Variants in SEC24D observed in about 807,000 individuals in gnomAD.
SEC24D encodes protein transport protein Sec24D.
Under a neutral mutation model 116.9 loss-of-function variants are expected in SEC24D, and 69 were observed. The observed-to-expected ratio is 0.59, with a 90% confidence interval of 0.49 to 0.72. The LOEUF (loss-of-function observed/expected upper bound fraction) is 0.72. SEC24D is among the 30% of genes least tolerant of loss of function. The pLI is 0.00. For synonymous variants in SEC24D, 405 were observed against 442.8 expected (o/e 0.91, Z 1.07); for missense variants, 1,131 against 1,264.1 (o/e 0.89, Z 1.60).
chr4:118,770,444 A>G (rs1413337863), intron 8 of SEC24D, among the ~76,000 whole-genome samples: 1 of 152,210 alleles, frequency 6.6e-6, no homozygotes, highest in Non-Finnish European at 1.5e-5. Context: ...TAAAAGTACA[A>G]TTACCAATCA....
rs558149068 is a variant in SEC24D, at chr4:118,788,489, T to C, written c.1041+9194A>G. ...GTTTTTATTGGTTCCTAAAATATCT[T>C]GGTCCAAAATTCATCCAATTGTTTT... On this transcript the variant is annotated intron_variant, in intron 8 of 22. Transcript: ENST00000280551. Among the ~76,000 whole-genome samples, 3 of 152,360 alleles carry C rather than the reference T, an allele frequency of 2.0e-5. No individual in the cohort carries two copies. In the South Asian group the frequency reaches 6.2e-4, roughly 32 times the overall value.
At chr4:118,813,727 C>T (rs1730017599) in intron 6 of SEC24D, among the ~76,000 whole-genome samples, 1 of 152,262 alleles carries the variant, frequency 6.6e-6, no homozygotes, top group Non-Finnish European at 1.5e-5. Flanking sequence ...AACCACAGCA[C>T]TTGCCAACAT....
chr4:118,749,775 G>A (rs1181060606), intron 13 of SEC24D, among the ~76,000 whole-genome samples: 2 of 152,174 alleles, frequency 1.3e-5, no homozygotes, highest in Non-Finnish European at 2.9e-5. Flanking sequence ...GGAGCATCAC[G>A]CAGCCTCTGC....
At chr4:118,728,503 A>C (rs1263361814) in intron 22 of SEC24D, 58 bp downstream of exon 22, 1 of 1,015,890 alleles carries the variant, frequency 9.8e-7, no homozygotes, top group Admixed American at 2.1e-5. Flanking sequence ...GTGCATGTTA[A>C]GTCTTTAATG....
At chr4:118,763,959 T>C (rs1027751635) in intron 10 of SEC24D, among the ~76,000 whole-genome samples, 3 of 152,178 alleles carry the variant, frequency 2.0e-5, no homozygotes, top group Non-Finnish European at 2.9e-5. Context: ...TGCAAATGCA[T>C]ATACACAATT....
chr4:118,794,437 T>C (rs980698040), intron 8 of SEC24D, among the ~76,000 whole-genome samples: 12 of 152,200 alleles, frequency 7.9e-5, no homozygotes, highest in Non-Finnish European at 1.5e-4. Flanking sequence ...TGCAAACTCA[T>C]TGCCATTAAC....
chr4:118,742,014 C>G (rs564935172), intron 15 of SEC24D, among the ~76,000 whole-genome samples: 2 of 152,218 alleles, frequency 1.3e-5, no homozygotes, highest in African/African-American at 4.8e-5. Flanking sequence ...ATTTTACTGC[C>G]TGTTTACATC....
chr4:118,784,013 G>A (rs1458093942), intron 8 of SEC24D, among the ~76,000 whole-genome samples: 1 of 152,198 alleles, frequency 6.6e-6, no homozygotes, highest in African/African-American at 2.4e-5. Context: ...GACCAGCCTG[G>A]CCAACATGGC....
intron 2 of SEC24D, among the ~76,000 whole-genome samples, chr4:118,830,852 G>A (rs968108850): frequency 3.9e-5 from 6 of 152,072 alleles, no homozygotes; most frequent in Non-Finnish European, 8.8e-5. Flanking sequence ...ATTGGAGAGA[G>A]GGATAATAGT....
At chr4:118,793,600 C>T (rs1729045215) in intron 8 of SEC24D, among the ~76,000 whole-genome samples, 1 of 151,776 alleles carries the variant, frequency 6.6e-6, no homozygotes, top group South Asian at 2.1e-4. Flanking sequence ...GGTCCAGCTA[C>T]ATGCCCAAAA....
chr4:118,805,130 G>T (rs1729621185), intron 7 of SEC24D, among the ~76,000 whole-genome samples: 3 of 152,060 alleles, frequency 2.0e-5, no homozygotes, highest in Admixed American at 2.0e-4. Context: ...ACTCTATAAG[G>T]TTAGCTCTGA....
At chr4:118,774,079 A>T (rs983043213) in intron 8 of SEC24D, among the ~76,000 whole-genome samples, 6 of 151,798 alleles carry the variant, frequency 4.0e-5, no homozygotes, top group Non-Finnish European at 2.9e-5. Context: ...AATATTTATT[A>T]AAAAATTTAA....
At chr4:118,813,535 TTTC>T (rs1730009039) in intron 6 of SEC24D, among the ~76,000 whole-genome samples, 1 of 152,158 alleles carries the variant, frequency 6.6e-6, no homozygotes, top group South Asian at 2.1e-4. Flanking sequence ...TCAGGTCTCT[TTTC>T]TTCTTCTTAT....
rs1725268122 is a variant in SEC24D at position 118,723,780 on chromosome 4, G to C, written c.2959-125C>G. ...TGCCCATTATGTGTGAGGCTATGGA[G>C]GATGATGGGAAAGTGCCTGATATCT... On this transcript the variant is annotated intron_variant, in intron 22 of 22. Coordinates refer to ENST00000280551, the MANE Select transcript of SEC24D (RefSeq NM_014822.4). 4 of 1,046,286 alleles carry C rather than the reference G, an allele frequency of 3.8e-6. No homozygotes were observed. The East Asian group carries it at 7.6e-5, about 20-fold the overall frequency. The allele number at this position is 1,046,286 out of a possible 1,614,324, so 64.8% of individuals were successfully genotyped here. A position where few individuals can be genotyped will look rare whatever the true frequency, so the allele number is the denominator to read the frequency against.
In SEC24D at chr4:118,764,813, C is replaced by G. The variant is rs371378788; in HGVS notation, c.1285G>C (p.Asp429His). 1 of 1,578,706 alleles carries G rather than the reference C, an allele frequency of 6.3e-7. No individual in the cohort carries two copies. ...CTGGGAACACTTACTCTGCAATAATCCAAAGTGGCAACATATTCATAAGAT... is the reference window on the plus strand; with the variant it reads ...CTGGGAACACTTACTCTGCAATAATGCAAAGTGGCAACATATTCATAAGAT... ...LGSYEYVATLDYCRKSKPPNP... is the reference protein window; with the variant it reads ...LGSYEYVATLHYCRKSKPPNP... Residue 429 changes from aspartate to histidine, a missense_variant, in exon 10 of 23, where the codon GAT (aspartate) becomes CAT (histidine). By Grantham distance (81) the Asp-to-His change is moderately conservative. Transcript: ENST00000280551.
intron 2 of SEC24D, among the ~76,000 whole-genome samples, chr4:118,829,656 T>C (rs567991433): frequency 3.9e-4 from 59 of 151,954 alleles, no homozygotes; most frequent in South Asian, 1.5e-3. Flanking sequence ...CTACTAAAAA[T>C]ACAAAATTAG....
intron 8 of SEC24D, among the ~76,000 whole-genome samples, chr4:118,783,175 G>C (rs1039935702): frequency 6.6e-6 from 1 of 152,186 alleles, no homozygotes; most frequent in Admixed American, 6.5e-5. Context: ...GAAATCACCC[G>C]TCTTCTGCGT....
Position 118,752,018 on chromosome 4 carries a change from T to G in SEC24D, c.1685A>C (p.Gln562Pro). The G allele has an allele frequency of 6.2e-7, 1 of 1,612,902 alleles. No individual in the cohort carries two copies. Among genetic ancestry groups the G allele is most frequent in the South Asian group, 1.1e-5 (1 of 90,948 alleles). ...CACCTTTAGTGCTTCCATGCCAGCC[T>G]GGATGACAGGAGCAAAGACAGTCTC... Reference protein sequence around the residue: ...ENETVFAPVIQAGMEALKAAD... With the variant: ...ENETVFAPVIPAGMEALKAAD... The change falls in exon 13 of 23, where the codon CAG becomes CCG. Residue 562 changes from glutamine to proline, a missense_variant. Physicochemically the swap from Gln to Pro is moderately conservative, Grantham distance 76. Transcript: ENST00000280551.
At chr4:118,734,695 G>A (rs1157460671) in intron 19 of SEC24D, among the ~76,000 whole-genome samples, 3 of 152,142 alleles carry the variant, frequency 2.0e-5, no homozygotes, top group East Asian at 1.9e-4. Context: ...TCAGGCAAAC[G>A]TATTTCAGAA....
Sources: gnomAD v4.1 joint callset for allele counts (sites outside exome capture counted in the v4.1 genomes callset) on GRCh38, gnomAD v4.1.1 for gene constraint, MANE v1.5 for transcripts, NCBI Gene and HGNC (gene_info 2026-07-23, HGNC 2026-07-21) for gene names.